KANSL3: variants seen among roughly 807,000 people sequenced by gnomAD.
KANSL3 encodes KAT8 regulatory NSL complex subunit 3.
A neutral mutation model predicts 89.2 loss-of-function variants in KANSL3; 16 were observed. The ratio of observed to expected loss-of-function variants is 0.18; its 90% CI spans 0.12 to 0.27. The LOEUF (loss-of-function observed/expected upper bound fraction) is 0.27. KANSL3 is among the 10% of genes least tolerant of loss of function. The pLI, the probability that KANSL3 is intolerant of heterozygous loss-of-function variation, is 1.00. For synonymous variants in KANSL3, 385 were observed against 419.7 expected (o/e 0.92, Z 1.01); for missense variants, 879 against 1,110.6 (o/e 0.79, Z 2.96).
At chr2:96,619,626 C>A (rs2070867670) in intron 4 of KANSL3, 46 bp downstream of exon 4, 3 of 1,598,012 alleles carry the variant, frequency 1.9e-6, no homozygotes, top group East Asian at 2.3e-5. Flanking sequence ...GCCAGTGAGG[C>A]CTGAACTACG....
the KANSL3 span, among the ~76,000 whole-genome samples, chr2:96,587,120 G>T: frequency 6.6e-6 from 1 of 152,138 alleles, no homozygotes; most frequent in Non-Finnish European, 1.5e-5. Context: ...TTAGTTTTTG[G>T]GGGGTGGTGT....
intron 19 of KANSL3, 46 bp from the exon 20 acceptor site, chr2:96,601,822 C>A: frequency 1.3e-6 from 2 of 1,511,830 alleles, no homozygotes; most frequent in South Asian, 2.7e-5. Context: ...ACACTCTCCA[C>A]CTTCTACTGA....
rs201965620 is a variant in KANSL3, at chr2:96,608,952, C to T, written c.1496G>A (p.Arg499His). The T allele has an allele frequency of 6.3e-5, 99 of 1,564,060 alleles. No individual in the cohort carries two copies. The African/African-American group carries it at 9.4e-4, about 15-fold the overall frequency. Residue 499 changes from arginine to histidine, a missense_variant, in exon 13 of 21, where the codon CGC becomes CAC. Physicochemically the swap from Arg to His is conservative, Grantham distance 29 (BLOSUM62 0). Around this residue, in one of 6 missense-constraint regions of KANSL3, gnomAD observed 317 missense variants for 311.2 expected, o/e 1.02. Coordinates refer to ENST00000431828, the MANE Select transcript of KANSL3 (RefSeq NM_001115016.3). ...AGGGACTTCAAAGGCCAAGTCTCTG[C>T]GGGCCACATCGCGGGGCTTCTTCTT... is the stretch of plus-strand genomic sequence containing the variant. ...EKKKKPRDVA[R>H]RDLAFEVPER...
intron 5 of KANSL3, among the ~76,000 whole-genome samples, chr2:96,618,530 T>C (rs2070655553): frequency 6.6e-6 from 1 of 152,190 alleles, no homozygotes; most frequent in African/African-American, 2.4e-5. Context: ...CCCAAATATT[T>C]CAAGAACCTA....
At chr2:96,603,936 T>C in intron 17 of KANSL3, 1 of 202,698 alleles carries the variant, frequency 4.9e-6, no homozygotes, top group Non-Finnish European at 9.8e-6. Context: ...AGAACCAATC[T>C]CCTGTGGATA....
intron 20 of KANSL3, among the ~76,000 whole-genome samples, chr2:96,596,850 C>A (rs1021303582): frequency 1.3e-5 from 2 of 152,214 alleles, no homozygotes; most frequent in African/African-American, 4.8e-5. Context: ...GCCAGCAGGA[C>A]AGAGAGGAGA....
chr2:96,612,062 C>T (rs1233823890), intron 9 of KANSL3, among the ~76,000 whole-genome samples: 1 of 151,614 alleles, frequency 6.6e-6, no homozygotes, highest in Non-Finnish European at 1.5e-5. Flanking sequence ...GGTGAGGATC[C>T]GGGGGTTTAT....
rs2066412316 is a variant in KANSL3, at chr2:96,594,726, GT to G, written c.*884del. ...CTTTTTATCTCCAGCTGAACCACCAGTTCCTTGGGTAGCAGAGCAGAGACCT... is the reference window on the plus strand; with the variant it reads ...CTTTTTATCTCCAGCTGAACCACCAGTCCTTGGGTAGCAGAGCAGAGACCT... On this transcript the variant is annotated 3_prime_UTR_variant, in exon 21 of 21. Transcript: ENST00000431828. 1 of 152,270 alleles carries G rather than the reference GT, an allele frequency of 6.6e-6. No homozygotes were observed. The highest frequency in any genetic ancestry group is 1.5e-5 in the Non-Finnish European group (1 of 68,100). The allele number at this position is 152,270 out of a possible 1,614,324, so 9.4% of individuals were successfully genotyped here. A position where few individuals can be genotyped will look rare whatever the true frequency, so the allele number is the denominator to read the frequency against.
chr2:96,612,371 G>A lies in KANSL3; in HGVS notation c.1015-18C>T. On this transcript the variant is annotated intron_variant, in intron 8 of 20. Coordinates refer to ENST00000431828, the MANE Select transcript of KANSL3 (RefSeq NM_001115016.3). ...CTGTGAATCTTCATGGGAAGAGAAA[G>A]AAGACAGTAAGACAGGAGGCCAAAG... 1 of 1,612,126 alleles carries A rather than the reference G, an allele frequency of 6.2e-7. No homozygotes were observed. Among genetic ancestry groups the A allele is most frequent in the Non-Finnish European group, 8.5e-7 (1 of 1,178,178 alleles).
At chr2:96,584,651 T>C in the KANSL3 span, among the ~76,000 whole-genome samples, 1 of 152,240 alleles carries the variant, frequency 6.6e-6, no homozygotes, top group Non-Finnish European at 1.5e-5. Flanking sequence ...CCAGACTTAC[T>C]TCACTTAACA....
chr2:96,604,016 G>A (rs2067585932), intron 17 of KANSL3: 1 of 429,106 alleles, frequency 2.3e-6, no homozygotes, highest in Non-Finnish European at 4.1e-6. Flanking sequence ...AGCACCTGTA[G>A]ACTGGAACAT....
chr2:96,586,802 T>C, the KANSL3 span, among the ~76,000 whole-genome samples: 2 of 152,256 alleles, frequency 1.3e-5, no homozygotes. Flanking sequence ...CTGTCCTCTA[T>C]ACTTCTTGGC....
chr2:96,637,392 A>G (rs2074396922), intron 1 of KANSL3, among the ~76,000 whole-genome samples: 1 of 152,150 alleles, frequency 6.6e-6, no homozygotes, highest in Non-Finnish European at 1.5e-5. Flanking sequence ...GAGTTGTCCC[A>G]TACTCAACCT....
At chr2:96,617,938 G>C (rs1304171351) in intron 5 of KANSL3, among the ~76,000 whole-genome samples, 1 of 149,892 alleles carries the variant, frequency 6.7e-6, no homozygotes, top group Non-Finnish European at 1.5e-5. Context: ...AGCCGAGATC[G>C]TGCCACTGCA....
chr2:96,610,641 T>G, intron 11 of KANSL3, 85 bp downstream of exon 11: 1 of 1,490,788 alleles, frequency 6.7e-7, no homozygotes, highest in Non-Finnish European at 9.2e-7. Context: ...TGAACCAGAC[T>G]GGTCTGTAGT....
chr2:96,636,479 T>C (rs1409391416), intron 2 of KANSL3, among the ~76,000 whole-genome samples: 2 of 152,188 alleles, frequency 1.3e-5, no homozygotes, highest in Non-Finnish European at 1.5e-5. Flanking sequence ...GCTCCTAACC[T>C]TCGTGTGTGA....
At chr2:96,612,230 T>G (rs774398721) in intron 9 of KANSL3, 52 bp downstream of exon 9, 1 of 1,234,288 alleles carries the variant, frequency 8.1e-7, no homozygotes. Context: ...GTAGCTATGA[T>G]TAGTGGTATT....
Position 96,602,206 on chromosome 2 carries a change from T to C in KANSL3, c.2392A>G (p.Thr798Ala), listed in dbSNP as rs1352060741. 6.2e-7 allele frequency: 1 copy of C among 1,608,544 alleles called. No homozygotes were observed. The highest frequency in any genetic ancestry group is 1.7e-5 in the Admixed American group (1 of 59,190). ...TTGGTCAGCAGCTGGTGGATGGCTGTGGGCTTCCCACCAGGAGTGGCACCC... is the reference window on the plus strand; with the variant it reads ...TTGGTCAGCAGCTGGTGGATGGCTGCGGGCTTCCCACCAGGAGTGGCACCC... ...SLGATPGGKP[T>A]AIHQLLTNGG... The change falls in exon 19 of 21, where the codon ACA becomes GCA. Residue 798 changes from threonine (T) to alanine (A), a missense_variant. Physicochemically the swap from Thr to Ala is moderately conservative, Grantham distance 58. Transcript: ENST00000431828.
rs573886606 is a variant in KANSL3 at position 96,607,761 on chromosome 2, C to T, written c.1741+747G>A. Reference sequence around the variant, plus strand: ...AAACAGATGAGCCTCCTATCCCCTCCACGTCTGTCTGCCAGACAGCCAGCT... The same window carrying T: ...AAACAGATGAGCCTCCTATCCCCTCTACGTCTGTCTGCCAGACAGCCAGCT... On this transcript the variant is annotated intron_variant, in intron 14 of 20. Transcript: ENST00000431828. Among the ~76,000 whole-genome samples, 9 of 152,306 alleles carry T rather than the reference C, an allele frequency of 5.9e-5. No homozygotes were observed. The East Asian group carries it at 1.5e-3, about 26-fold the overall frequency.
Sources: allele counts gnomAD v4.1 joint callset (sites outside exome capture counted in the v4.1 genomes callset), GRCh38; gene constraint gnomAD v4.1.1; regional missense constraint gnomAD v4.1.1; transcripts MANE v1.5; gene names NCBI Gene and HGNC (gene_info 2026-07-23, HGNC 2026-07-21).